Variants in DYNC1I1 observed in about 807,000 individuals in gnomAD.
DYNC1I1 encodes cytoplasmic dynein 1 intermediate chain 1.
Under a neutral mutation model 86.6 loss-of-function variants are expected in DYNC1I1, and 43 were observed. The ratio of observed to expected loss-of-function variants is 0.50; its 90% confidence interval spans 0.39 to 0.64. The LOEUF (loss-of-function observed/expected upper bound fraction) is 0.64. DYNC1I1 is among the 30% of genes least tolerant of loss of function. DYNC1I1 has a pLI of 0.00. For missense variants in DYNC1I1, 604 were observed against 788.8 expected, an observed-to-expected ratio of 0.77 and a Z score of 2.81; for synonymous variants, 262 against 283.7, an observed-to-expected ratio of 0.92 and a Z score of 0.77.
intron 4 of DYNC1I1, among the ~76,000 whole-genome samples, chr7:95,822,909 AGTGAGGAT>A (rs1795110613): frequency 6.6e-6 from 1 of 152,162 alleles, no homozygotes; most frequent in Non-Finnish European, 1.5e-5. Context: ...CTTGGGTAGC[AGTGAGGAT>A]GATGTCTGGT....
chr7:96,003,094 C>G (rs1410633011), intron 10 of DYNC1I1, among the ~76,000 whole-genome samples: 3 of 152,208 alleles, frequency 2.0e-5, no homozygotes, highest in East Asian at 3.9e-4. Flanking sequence ...CCTCCTGCCT[C>G]AGCCTTCCAA....
intron 13 of DYNC1I1, among the ~76,000 whole-genome samples, chr7:96,036,784 C>T (rs1035383495): frequency 3.3e-5 from 5 of 152,102 alleles, no homozygotes; most frequent in African/African-American, 1.2e-4. Flanking sequence ...AAGAACTCTA[C>T]CTTAACTGAG....
intron 5 of DYNC1I1, among the ~76,000 whole-genome samples, chr7:95,853,755 C>T (rs3886067): frequency 0.04 from 6,011 of 152,134 alleles, 410 homozygotes; most frequent in African/African-American, 0.14. Context: ...ATGTCCCCTA[C>T]GATTATTTTA....
intron 16 of DYNC1I1, among the ~76,000 whole-genome samples, chr7:96,108,982 C>T (rs1173420797): frequency 6.6e-6 from 1 of 151,938 alleles, no homozygotes; most frequent in Non-Finnish European, 1.5e-5. Context: ...TCTATTTCAT[C>T]CATGTTGTTT....
chr7:95,941,203 C>A (rs1299821573), intron 6 of DYNC1I1, among the ~76,000 whole-genome samples: 6 of 151,988 alleles, frequency 3.9e-5, no homozygotes, highest in African/African-American at 1.4e-4. Context: ...TGTCAGTCTG[C>A]CCCTACTGGG....
At chr7:95,928,369 C>A (rs1791800816) in intron 6 of DYNC1I1, among the ~76,000 whole-genome samples, 1 of 152,178 alleles carries the variant, frequency 6.6e-6, no homozygotes, top group African/African-American at 2.4e-5. Flanking sequence ...ATTCAAAAAA[C>A]ACATTTTCCA....
chr7:95,982,224 C>T (rs1433869947), intron 7 of DYNC1I1, among the ~76,000 whole-genome samples: 1 of 152,162 alleles, frequency 6.6e-6, no homozygotes, highest in African/African-American at 2.4e-5. Flanking sequence ...CTCATCTGCA[C>T]ATGCATCTGA....
At chr7:95,804,683 TTA>T in intron 1 of DYNC1I1, 36 bp from the exon 2 acceptor site, 1 of 1,509,924 alleles carries the variant, frequency 6.6e-7, no homozygotes, top group Non-Finnish European at 8.8e-7. Flanking sequence ...GAAAAGTTAT[TTA>T]TATATATGTT....
intron 6 of DYNC1I1, among the ~76,000 whole-genome samples, chr7:95,946,096 G>A (rs1792391091): frequency 6.6e-6 from 1 of 151,970 alleles, no homozygotes; most frequent in Admixed American, 6.6e-5. Context: ...AATGGGAACT[G>A]AACAATGAGA....
chr7:95,867,748 C>A (rs892325099), intron 5 of DYNC1I1, among the ~76,000 whole-genome samples: 1 of 152,168 alleles, frequency 6.6e-6, no homozygotes. Context: ...TCTCTCTGTG[C>A]TCAGGTGGCC....
chr7:96,085,777 G>C (rs959525831), intron 16 of DYNC1I1, among the ~76,000 whole-genome samples: 2 of 152,192 alleles, frequency 1.3e-5, no homozygotes, highest in Non-Finnish European at 2.9e-5. Flanking sequence ...AATGAGCCTA[G>C]CTTCTGAATA....
Position 96,076,141 on chromosome 7 carries a change from G to C in DYNC1I1, c.1594G>C (p.Ala532Pro). The change falls in exon 15 of 17, where the codon GCC (alanine) becomes CCC (proline). Residue 532 changes from alanine (A) to proline (P), a missense_variant. By Grantham distance (27) the Ala-to-Pro change is conservative (BLOSUM62 -1). Transcript: ENST00000447467. Reference sequence around the variant, plus strand: ...GTCCCCCGTGCATCCTGCGCTTTTTGCCTGCGTGGACGGGATGGGGCGCTT... The same window carrying C: ...GTCCCCCGTGCATCCTGCGCTTTTTCCCTGCGTGGACGGGATGGGGCGCTT... ...MWSPVHPALF[A>P]CVDGMGRLDL... 6.2e-7 allele frequency: 1 copy of C among 1,614,190 alleles called. No homozygotes were observed. The highest frequency in any genetic ancestry group is 8.5e-7 in the Non-Finnish European group (1 of 1,180,026).
intron 6 of DYNC1I1, among the ~76,000 whole-genome samples, chr7:95,962,528 G>A (rs1332139907): frequency 6.6e-6 from 1 of 151,852 alleles, no homozygotes; most frequent in Non-Finnish European, 1.5e-5. Context: ...TGGGCCACTG[G>A]ACACCAAGAA....
intron 6 of DYNC1I1, among the ~76,000 whole-genome samples, chr7:95,911,015 G>C (rs1434423825): frequency 6.6e-6 from 1 of 152,154 alleles, no homozygotes; most frequent in Non-Finnish European, 1.5e-5. Context: ...CATGGTAAAA[G>C]CTATGCTTTG....
chr7:96,037,005 T>G (rs186835239), intron 13 of DYNC1I1, among the ~76,000 whole-genome samples: 157 of 152,318 alleles, frequency 1.0e-3, no homozygotes, highest in Non-Finnish European at 1.6e-3. Flanking sequence ...CCGAGGCTAT[T>G]AAGATTTAAT....
chr7:96,077,239 T>TTGTGTGTG (rs3047672), intron 15 of DYNC1I1, among the ~76,000 whole-genome samples: 2,010 of 144,506 alleles, frequency 0.014, 10 homozygotes, highest in African/African-American at 0.016. Context: ...TCCCTAGTAT[T>TTGTGTGTG]TGTGTGTGTG....
At position 96,025,044 on chromosome 7, in the gene DYNC1I1, A is replaced by T. The variant is rs576201714; in HGVS notation, c.970-3131A>T. On this transcript the variant is annotated intron_variant, in intron 10 of 16. Transcript: ENST00000447467. ...TAAGACTATAAATATATCTATACAC[A>T]TATATTCTTATAGAATAACAAGGCA... Among the ~76,000 whole-genome samples the T allele has an allele frequency of 7.2e-5, 11 of 152,196 alleles. No homozygotes were observed. The South Asian group carries it at 2.3e-3, about 32-fold the overall frequency.
At chr7:96,028,140 T>C in intron 10 of DYNC1I1, 35 bp from the exon 11 acceptor site, 1 of 1,605,228 alleles carries the variant, frequency 6.2e-7, no homozygotes. Context: ...CCATTTCACA[T>C]TGCATCTCTC....
chr7:96,009,263 C>T (rs958462193), intron 10 of DYNC1I1, among the ~76,000 whole-genome samples: 6 of 152,150 alleles, frequency 3.9e-5, no homozygotes, highest in Non-Finnish European at 7.3e-5. Context: ...CCAATGACTG[C>T]CCGTGAAGCT....
Sources: gnomAD v4.1 joint callset for allele counts (sites outside exome capture counted in the v4.1 genomes callset) on GRCh38, gnomAD v4.1.1 for gene constraint, MANE v1.5 for transcripts, NCBI Gene and HGNC (gene_info 2026-07-23, HGNC 2026-07-21) for gene names.